The following FAM133A variants were observed in gnomAD, a reference collection of about 807,000 sequenced individuals.
FAM133A encodes protein FAM133A.
For synonymous variants in FAM133A, 65 were observed against 58.6 expected (o/e 1.11, Z -0.50); for missense variants, 159 against 164.4 (o/e 0.97, Z 0.18).
chrX:93,677,665 T>C (rs1293297754), intron 2 of FAM133A, among the ~76,000 whole-genome samples: 1 of 112,163 alleles, frequency 8.9e-6, no homozygotes, highest in African/African-American at 3.2e-5. Context: ...AAATTTTATA[T>C]AAGTGGAATA....
Position 93,679,915 on chromosome X carries a change from A to ATTTTTT in FAM133A, c.-193+5201_-193+5206dup, listed in dbSNP as rs376335726. Among the ~76,000 whole-genome samples, 120 of 62,386 alleles carry ATTTTTT rather than the reference A, an allele frequency of 1.9e-3. 14 individuals are homozygous for ATTTTTT. The highest frequency in any genetic ancestry group is 7.9e-3 in the African/African-American group (95 of 11,977). 54.2% of individuals were successfully genotyped at this position (62,386 alleles called of 115,157 possible). The stretch of plus-strand genomic sequence containing the variant: ...AGGTGTGTACCACCACTCCTGGCAA[A>ATTTTTT]TTTTTTTTTTTTTTTTTTTTTTTTT... On this transcript the variant is annotated intron_variant, in intron 2 of 3. Coordinates refer to ENST00000683942, the MANE Select transcript of FAM133A (RefSeq NM_001171109.2).
At position 93,712,040 on chromosome X, in the gene FAM133A, A is replaced by C. The variant is rs904340382; in HGVS notation, c.*1874A>C. 4 of 123,281 alleles carry C rather than the reference A, an allele frequency of 3.2e-5. No homozygotes were observed. Among genetic ancestry groups the C allele is most frequent in the African/African-American group, 9.7e-5 (3 of 30,784 alleles). The allele number at this position is 123,281 out of a possible 1,213,427, so 10.2% of individuals were successfully genotyped here. ...TACTTCAAGCAGAGGGATTGTAAACAGAAGTGATTTTCTATTTCCATGTTG... is the reference window on the plus strand; with the variant it reads ...TACTTCAAGCAGAGGGATTGTAAACCGAAGTGATTTTCTATTTCCATGTTG... On this transcript the variant is annotated 3_prime_UTR_variant, in exon 4 of 4. Transcript: ENST00000683942.
intron 2 of FAM133A, among the ~76,000 whole-genome samples, chrX:93,683,886 T>C (rs891252029): frequency 8.9e-6 from 1 of 111,917 alleles, no homozygotes; most frequent in Non-Finnish European, 1.9e-5. Context: ...GAGTTCTTTG[T>C]ATATTCTGGA....
chrX:93,707,427 T>G (rs1053417251), intron 3 of FAM133A, among the ~76,000 whole-genome samples: 9 of 111,279 alleles, frequency 8.1e-5, no homozygotes, highest in Non-Finnish European at 1.7e-4. Flanking sequence ...AGATGGAGAT[T>G]GATAGAAAAA....
At chrX:93,704,227 T>C (rs1395113217) in intron 3 of FAM133A, among the ~76,000 whole-genome samples, 1 of 112,111 alleles carries the variant, frequency 8.9e-6, no homozygotes, top group African/African-American at 3.2e-5. Flanking sequence ...TGTTATTTTC[T>C]ATATTATCAT....
At chrX:93,707,582 C>T (rs1927122410) in intron 3 of FAM133A, among the ~76,000 whole-genome samples, 1 of 111,409 alleles carries the variant, frequency 9.0e-6, no homozygotes, top group Non-Finnish European at 1.9e-5. Context: ...AAACTTACCT[C>T]CTTCCCCCTG....
chrX:93,701,931 G>A (rs1249373725), intron 3 of FAM133A, among the ~76,000 whole-genome samples: 1 of 111,303 alleles, frequency 9.0e-6, no homozygotes. Flanking sequence ...AATTTCAGAA[G>A]TATATGCAGG....
rs1406355323 is a variant in FAM133A at position 93,710,040 on chromosome X, A to C, written c.621A>C (p.Lys207Asn). ...ESDYEEDVQA[K>N]KKRRCEEREQ... ...ATTATGAAGAGGATGTGCAAGCAAA[A>C]AAGAAGAGAAGGTGTGAAGAGCGAG... The change falls in exon 4 of 4, where the codon AAA becomes AAC. Residue 207 changes from lysine (K) to asparagine (N), a missense_variant. By Grantham distance (94) the Lys-to-Asn change is moderately conservative. Coordinates refer to ENST00000683942, the MANE Select transcript of FAM133A (RefSeq NM_001171109.2). 1 of 1,205,688 alleles carries C rather than the reference A, an allele frequency of 8.3e-7. No individual in the cohort carries two copies. Among genetic ancestry groups the C allele is most frequent in the Admixed American group, 2.2e-5 (1 of 45,547 alleles).
At chrX:93,674,803 C>G (rs987818290) in intron 2 of FAM133A, 51 bp downstream of exon 2, 10 of 111,062 alleles carry the variant, frequency 9.0e-5, no homozygotes, top group African/African-American at 3.3e-4. Flanking sequence ...TTACTCATCT[C>G]CATCTGAATA....
In FAM133A at chrX:93,685,721, T is replaced by G. The variant is rs1438468951; in HGVS notation, c.-193+10969T>G. On this transcript the variant is annotated intron_variant, in intron 2 of 3. Transcript: ENST00000683942. The stretch of plus-strand genomic sequence containing the variant: ...CAACCATCATTTCACTGTTTAGACT[T>G]CTGTCATTTCCCACATGGATTATTC... Among the ~76,000 whole-genome samples the G allele has an allele frequency of 6.6e-4, 74 of 112,041 alleles. 5 individuals are homozygous for G. Among genetic ancestry groups the G allele is most frequent in the Non-Finnish European group, 2.1e-4 (11 of 53,222 alleles).
rs1176351541 is a variant in FAM133A at position 93,697,190 on chromosome X, T to TATATATATATATATAA, written c.-192-1206_-192-1205insTATATATATATATAAA. 5.2e-4 allele frequency among the ~76,000 whole-genome samples: 51 copies of TATATATATATATATAA among 97,830 alleles called. No individual in the cohort carries two copies. In the East Asian group the frequency reaches 8.1e-3, roughly 16 times the overall value. 85.0% of individuals were successfully genotyped at this position (97,830 alleles called of 115,157 possible). A position where few individuals can be genotyped will look rare whatever the true frequency, so the allele number is the denominator to read the frequency against. ...AGTTATATATATATATATATATATA[T>TATATATATATATATAA]AATATATCATAGGCAGGTTAATATA... On this transcript the variant is annotated intron_variant, in intron 2 of 3. Coordinates refer to ENST00000683942, the MANE Select transcript of FAM133A (RefSeq NM_001171109.2).
In FAM133A at chrX:93,709,829, G is replaced by A. The variant is rs200416597; in HGVS notation, c.410G>A (p.Arg137His). 1.3e-5 allele frequency: 16 copies of A among 1,199,009 alleles called. No homozygotes were observed. Among genetic ancestry groups the A allele is most frequent in the Admixed American group, 1.1e-4 (5 of 44,481 alleles). ...QGKRRKKKKN[R>H]SYKSSQSSTH... ...AAAAGGAGAAAGAAAAAGAAGAACC[G>A]TTCATACAAATCATCCCAAAGCTCT... Residue 137 changes from arginine to histidine, a missense_variant, in exon 4 of 4, where the codon CGT becomes CAT. Transcript: ENST00000683942.
chrX:93,709,721 C>A lies in FAM133A; in HGVS notation c.302C>A (p.Ser101Tyr). Residue 101 changes from serine (S) to tyrosine (Y), a missense_variant, in exon 4 of 4, where the codon TCT becomes TAT. Transcript: ENST00000683942. ...RERKKKRKKKSCRSSSSSSSS... is the reference protein window; with the variant it reads ...RERKKKRKKKYCRSSSSSSSS... ...AGAAAGAAAAAGAGAAAGAAGAAAT[C>A]TTGTCGGTCTTCATCTTCTTCATCA... 1 of 1,195,323 alleles carries A rather than the reference C, an allele frequency of 8.4e-7. No homozygotes were observed. Among genetic ancestry groups the A allele is most frequent in the South Asian group, 1.9e-5 (1 of 53,920 alleles).
chrX:93,702,837 T>TAAAAAAAAAAA (rs33985910), intron 3 of FAM133A, among the ~76,000 whole-genome samples: 22 of 43,044 alleles, frequency 5.1e-4, no homozygotes, highest in Non-Finnish European at 6.8e-4. Context: ...ATAGCTATGA[T>TAAAAAAAAAAA]AAAAAAAAAA....
At chrX:93,678,583 T>C (rs1251544340) in intron 2 of FAM133A, among the ~76,000 whole-genome samples, 1 of 111,732 alleles carries the variant, frequency 8.9e-6, no homozygotes, top group Non-Finnish European at 1.9e-5. Context: ...TTTTCTTCCA[T>C]TTTTTTTAAG....
intron 3 of FAM133A, among the ~76,000 whole-genome samples, chrX:93,708,600 G>T (rs1467091558): frequency 8.9e-6 from 1 of 111,835 alleles, no homozygotes. Context: ...CTAAGCCTCA[G>T]TTTATCTATC....
chrX:93,709,606 G>C lies in FAM133A; in HGVS notation c.187G>C (p.Glu63Gln). 1 of 1,189,571 alleles carries C rather than the reference G, an allele frequency of 8.4e-7. No homozygotes were observed. The highest frequency in any genetic ancestry group is 1.1e-6 in the Non-Finnish European group (1 of 887,729). ...TTCAAAAGCATTAGCTGAATTTGAA[G>C]AAAAAATGAATGAAAATTGGAAGAA... Reference protein sequence around the residue: ...TGSKALAEFEEKMNENWKKEL... With the variant: ...TGSKALAEFEQKMNENWKKEL... Residue 63 changes from glutamate (E) to glutamine (Q), a missense_variant, in exon 4 of 4, where the codon GAA becomes CAA. By Grantham distance (29) the Glu-to-Gln change is conservative. Transcript: ENST00000683942.
chrX:93,689,050 ATT>A (rs35627093), intron 2 of FAM133A, among the ~76,000 whole-genome samples: 190 of 96,894 alleles, frequency 2.0e-3, no homozygotes, highest in Middle Eastern at 5.2e-3. Flanking sequence ...GGTAACAGCA[ATT>A]TTTTTTTTTT....
chrX:93,705,015 T>G (rs1250899756), intron 3 of FAM133A, among the ~76,000 whole-genome samples: 1 of 111,296 alleles, frequency 9.0e-6, no homozygotes, highest in East Asian at 2.8e-4. Context: ...AGACTTGACC[T>G]TCCCTTCTGA....
Sources: gnomAD v4.1 joint callset for allele counts (sites outside exome capture counted in the v4.1 genomes callset) on GRCh38, gnomAD v4.1.1 for gene constraint, MANE v1.5 for transcripts, NCBI Gene and HGNC (gene_info 2026-07-23, HGNC 2026-07-21) for gene names.